Variants in BCAS1 observed in about 807,000 individuals in gnomAD.
BCAS1 encodes the protein breast carcinoma-amplified sequence 1.
BCAS1 carries 46 observed loss-of-function variants against 65.4 expected under a neutral mutation model. The ratio of observed to expected loss-of-function variants is 0.70; its 90% CI spans 0.55 to 0.90. BCAS1 has a LOEUF of 0.90. BCAS1 is among the 40% of genes least tolerant of loss of function. The pLI is 0.00. For synonymous variants in BCAS1, 298 were observed against 293.5 expected, an observed-to-expected ratio of 1.02 and a Z score of -0.16; for missense variants, 793 against 771.2, an observed-to-expected ratio of 1.03 and a Z score of -0.33.
chr20:54,018,710 A>G (rs549912089), intron 4 of BCAS1, among the ~76,000 whole-genome samples: 10 of 152,210 alleles, frequency 6.6e-5, no homozygotes, highest in Non-Finnish European at 1.3e-4. Context: ...ATGGTCATCT[A>G]AGTAGCTTCA....
At chr20:54,054,051 A>G (rs290423) in intron 3 of BCAS1, among the ~76,000 whole-genome samples, 274 of 152,226 alleles carry the variant, frequency 1.8e-3, no homozygotes, top group Admixed American at 3.5e-3. Flanking sequence ...GATGTCTTAC[A>G]TGGCAGCAGG....
At chr20:54,012,534 G>C (rs115091822) in intron 4 of BCAS1, among the ~76,000 whole-genome samples, 1,912 of 149,802 alleles carry the variant, frequency 0.013, 36 homozygotes, top group African/African-American at 0.044. Context: ...CACTTAAAAA[G>C]TTGAACTTTT....
chr20:54,031,528 T>C lies in BCAS1; in HGVS notation c.143-2556A>G, dbSNP rs1009988931. On this transcript the variant is annotated intron_variant, in intron 3 of 12. Transcript: ENST00000688948. The stretch of plus-strand genomic sequence containing the variant: ...TCCTAGGTGGGCACCTGACATAAGA[T>C]AGACTAATAAAAATAAGTCCTGTAA... Among the ~76,000 whole-genome samples, 18 of 151,380 alleles carry C rather than the reference T, an allele frequency of 1.2e-4. No homozygotes were observed. The East Asian group carries it at 3.1e-3, about 26-fold the overall frequency.
intron 3 of BCAS1, among the ~76,000 whole-genome samples, chr20:54,054,128 T>G (rs112963727): frequency 4.1e-4 from 63 of 152,286 alleles, no homozygotes; most frequent in African/African-American, 1.5e-3. Flanking sequence ...TTATTCACTA[T>G]CATGAGAACA....
At position 53,971,884 on chromosome 20, in the gene BCAS1, TA is replaced by T. The variant is rs79511497; in HGVS notation, c.1317+3504del. Among the ~76,000 whole-genome samples the T allele has an allele frequency of 2.8e-3, 424 of 152,338 alleles. 12 individuals are homozygous for T. The East Asian group carries it at 0.059, about 21-fold the overall frequency. The stretch of plus-strand genomic sequence containing the variant: ...TAACTCAATTAACCAATGGGCAAAA[TA>T]TTTTTTTTATTACAACTGAAAGATT... On this transcript the variant is annotated intron_variant, in intron 9 of 12. Coordinates refer to ENST00000688948, the MANE Select transcript of BCAS1 (RefSeq NM_001366298.2).
chr20:54,035,646 G>A (rs934189916), intron 3 of BCAS1, among the ~76,000 whole-genome samples: 5 of 151,080 alleles, frequency 3.3e-5, no homozygotes, highest in African/African-American at 9.7e-5. Flanking sequence ...AGACAGTGTG[G>A]CAATTCCTCA....
intron 12 of BCAS1, among the ~76,000 whole-genome samples, chr20:53,945,983 A>G (rs1197617180): frequency 6.6e-6 from 1 of 152,130 alleles, no homozygotes; most frequent in African/African-American, 2.4e-5. Context: ...TTTGTTGTCC[A>G]GGATGGTCTT....
At chr20:54,052,294 T>C (rs2092230475) in intron 3 of BCAS1, among the ~76,000 whole-genome samples, 1 of 152,212 alleles carries the variant, frequency 6.6e-6, no homozygotes. Flanking sequence ...CAACCACTGA[T>C]CTACTTTCTG....
chr20:53,996,477 A>AAAAAAG (rs989806417), intron 4 of BCAS1, among the ~76,000 whole-genome samples: 18 of 145,366 alleles, frequency 1.2e-4, no homozygotes, highest in Non-Finnish European at 2.1e-4. Context: ...AAAAAAAAAA[A>AAAAAAG]AAAAAGAAAA....
At position 53,985,481 on chromosome 20, in the gene BCAS1, T is replaced by C. The variant is rs2090593317; in HGVS notation, c.1081A>G (p.Thr361Ala). 3 of 1,613,882 alleles carry C rather than the reference T, an allele frequency of 1.9e-6. No homozygotes were observed. The highest frequency in any genetic ancestry group is 1.7e-6 in the Non-Finnish European group (2 of 1,179,944). ...TCTGACTTAAGGTCAGCTGAAGTGG[T>C]GGGTGACTTTTCAGCACCCTAAAGA... ...FRHKGAEKSP[T>A]TSADLKSDKA... Residue 361 changes from threonine to alanine, a missense_variant, in exon 8 of 13, where the codon ACC becomes GCC. Thr to Ala is a moderately conservative substitution (Grantham distance 58, BLOSUM62 0). Transcript: ENST00000688948.
chr20:53,992,596 G>T lies in BCAS1; in HGVS notation c.978C>A (p.Ser326=), dbSNP rs368997139. ...TCTTGGTGCCTCTAGCCTGGATCTC[G>T]GATGTCTTCTGACCAGCTTGTCCAT... ...VCDGQAGQKT[S]EIQARGTKKK... The change falls in exon 7 of 13, where the codon TCC becomes TCA. Residue 326 remains serine, a synonymous_variant. Coordinates refer to ENST00000688948, the MANE Select transcript of BCAS1 (RefSeq NM_001366298.2). The T allele has an allele frequency of 7.3e-7, 1 of 1,365,632 alleles. No individual in the cohort carries two copies. The highest frequency in any genetic ancestry group is 9.8e-7 in the Non-Finnish European group (1 of 1,021,692). The allele number at this position is 1,365,632 out of a possible 1,614,324, so 84.6% of individuals were successfully genotyped here.
chr20:53,981,058 CAG>C (rs1373261970), intron 8 of BCAS1, among the ~76,000 whole-genome samples: 2 of 152,188 alleles, frequency 1.3e-5, no homozygotes, highest in Non-Finnish European at 2.9e-5. Context: ...ACTAGAATAA[CAG>C]AGTTTCCTCT....
At chr20:54,020,738 C>T (rs1275403809) in intron 4 of BCAS1, among the ~76,000 whole-genome samples, 7 of 152,138 alleles carry the variant, frequency 4.6e-5, no homozygotes, top group Non-Finnish European at 7.3e-5. Flanking sequence ...CAGCGTTCTC[C>T]AAATTTCAGA....
chr20:54,052,642 C>T (rs977305151), intron 3 of BCAS1, among the ~76,000 whole-genome samples: 3 of 152,140 alleles, frequency 2.0e-5, no homozygotes, highest in African/African-American at 7.2e-5. Context: ...CCCTTTCCTG[C>T]CCTTCTGTCG....
intron 3 of BCAS1, among the ~76,000 whole-genome samples, chr20:54,030,609 CAT>C (rs1326334022): frequency 2.8e-5 from 4 of 141,708 alleles, no homozygotes; most frequent in African/African-American, 7.4e-5. Context: ...TACACACACA[CAT>C]ACACACACAT....
At chr20:54,019,760 C>T (rs569433795) in intron 4 of BCAS1, among the ~76,000 whole-genome samples, 120 of 152,336 alleles carry the variant, frequency 7.9e-4, no homozygotes, top group Middle Eastern at 3.4e-3. Context: ...CTGGATGCTT[C>T]CTGCTCTTGG....
intron 8 of BCAS1, among the ~76,000 whole-genome samples, chr20:53,980,730 T>C (rs1278422698): frequency 6.6e-6 from 1 of 152,236 alleles, no homozygotes; most frequent in Admixed American, 6.5e-5. Flanking sequence ...GAGCCAAGCC[T>C]GGATCTCACA....
chr20:54,016,302 T>C (rs2091437086), intron 4 of BCAS1, among the ~76,000 whole-genome samples: 1 of 152,234 alleles, frequency 6.6e-6, no homozygotes, highest in African/African-American at 2.4e-5. Flanking sequence ...TTGATCATGT[T>C]CTCAATACAT....
At chr20:53,968,418 A>G (rs369894474) in intron 9 of BCAS1, among the ~76,000 whole-genome samples, 6 of 152,124 alleles carry the variant, frequency 3.9e-5, no homozygotes, top group East Asian at 1.9e-4. Context: ...TTATTTCCAA[A>G]AATATCGTCT....
Sources: gnomAD v4.1 joint callset for allele counts (sites outside exome capture counted in the v4.1 genomes callset) on GRCh38, gnomAD v4.1.1 for gene constraint, MANE v1.5 for transcripts, NCBI Gene and HGNC (gene_info 2026-07-23, HGNC 2026-07-21) for gene names.